Variants in INPP4B observed in about 807,000 individuals in gnomAD.
INPP4B encodes inositol polyphosphate-4-phosphatase type II B.
In INPP4B, 55 loss-of-function variants were observed where a neutral mutation model predicts 122.5. The ratio of observed to expected loss-of-function variants is 0.45; its 90% confidence interval spans 0.36 to 0.56. The LOEUF (loss-of-function observed/expected upper bound fraction) is 0.56. Among genes scored for constraint, INPP4B ranks in the 20% least tolerant of loss-of-function variants. The pLI, the probability that INPP4B is intolerant of heterozygous loss-of-function variation, is 0.00. For missense variants in INPP4B, 1,000 were observed against 1,097.7 expected (o/e 0.91, Z 1.26); for synonymous variants, 403 against 388.7 (o/e 1.04, Z -0.43).
At chr4:142,366,637 G>C (rs952749277) in intron 7 of INPP4B, among the ~76,000 whole-genome samples, 1 of 152,132 alleles carries the variant, frequency 6.6e-6, no homozygotes, top group Non-Finnish European at 1.5e-5. Context: ...GGAGGATTCA[G>C]TGTGAATTTG....
rs929829549 is a variant in INPP4B, at chr4:142,075,666, G to A, written c.2642+6365C>T. Among the ~76,000 whole-genome samples the A allele has an allele frequency of 2.0e-5, 3 of 152,112 alleles. No homozygotes were observed. The East Asian group carries it at 5.8e-4, about 30-fold the overall frequency. On this transcript the variant is annotated intron_variant, in intron 25 of 25. Coordinates refer to ENST00000262992, the MANE Select transcript of INPP4B (RefSeq NM_001101669.3). ...AACAAGCAGGGTAGATAGAGATGGG[G>A]AGAGTGTAGAGAGCAAGGGTAACAT...
chr4:142,667,053 G>A (rs1756210223), intron 2 of INPP4B, among the ~76,000 whole-genome samples: 2 of 152,100 alleles, frequency 1.3e-5, no homozygotes, highest in African/African-American at 2.4e-5. Context: ...ACTGTGGTCT[G>A]GCATTTGAAA....
chr4:142,646,860 A>T (rs1489688835), intron 2 of INPP4B, among the ~76,000 whole-genome samples: 1 of 152,172 alleles, frequency 6.6e-6, no homozygotes, highest in Non-Finnish European at 1.5e-5. Context: ...ACCATACAAA[A>T]CTAAGCAAAC....
chr4:142,273,383 G>A (rs982976688), intron 9 of INPP4B, among the ~76,000 whole-genome samples: 7 of 151,822 alleles, frequency 4.6e-5, no homozygotes, highest in Non-Finnish European at 7.4e-5. Context: ...AGGCTATAAG[G>A]TCTCATGGCA....
chr4:142,112,377 A>T (rs779124693), intron 22 of INPP4B, among the ~76,000 whole-genome samples, 165 bp downstream of exon 22: 1 of 152,212 alleles, frequency 6.6e-6, no homozygotes, highest in Non-Finnish European at 1.5e-5. Flanking sequence ...GGATTCCTTA[A>T]ATATGAAAAT....
In INPP4B at chr4:142,534,439, T is replaced by C. The variant is rs1176908275; in HGVS notation, c.-190-71713A>G. On this transcript the variant is annotated intron_variant, in intron 2 of 25. Transcript: ENST00000262992. Reference sequence around the variant, plus strand: ...GGTTGGAAGGAGCATTCTCTTACTTTCCACCTTCTGCCATGTAAGGACACA... The same window carrying C: ...GGTTGGAAGGAGCATTCTCTTACTTCCCACCTTCTGCCATGTAAGGACACA... 2.0e-5 allele frequency among the ~76,000 whole-genome samples: 3 copies of C among 152,212 alleles called. No individual in the cohort carries two copies. In the East Asian group the frequency reaches 5.8e-4, roughly 29 times the overall value.
At chr4:142,720,997 G>A (rs1251904929) in intron 2 of INPP4B, among the ~76,000 whole-genome samples, 1 of 149,246 alleles carries the variant, frequency 6.7e-6, no homozygotes, top group Non-Finnish European at 1.5e-5. Flanking sequence ...GTTCAAGCGT[G>A]TACTTGCAAA....
intron 11 of INPP4B, among the ~76,000 whole-genome samples, chr4:142,244,175 C>T (rs1012747521): frequency 6.6e-6 from 1 of 151,502 alleles, no homozygotes; most frequent in Admixed American, 6.6e-5. Flanking sequence ...GGTTTTCCGT[C>T]CCTGTGTTAG....
intron 3 of INPP4B, among the ~76,000 whole-genome samples, chr4:142,449,818 G>A (rs1813758019): frequency 6.6e-6 from 1 of 152,112 alleles, no homozygotes; most frequent in Admixed American, 6.6e-5. Flanking sequence ...AATCAAAAGA[G>A]ATGAATAGGG....
intron 3 of INPP4B, among the ~76,000 whole-genome samples, chr4:142,435,887 G>A (rs923445): frequency 0.52 from 79,260 of 151,888 alleles, 21,525 homozygotes; most frequent in East Asian, 0.7. Context: ...AAGTCAGCCA[G>A]GTTTCTGGGG....
Position 142,241,232 on chromosome 4 carries a change from T to A in INPP4B, c.689-3221A>T, listed in dbSNP as rs1859234436. 2.7e-5 allele frequency among the ~76,000 whole-genome samples: 3 copies of A among 112,560 alleles called. No homozygotes were observed. The South Asian group carries it at 7.3e-4, about 27-fold the overall frequency. The allele number at this position is 112,560 out of a possible 152,430, so 73.8% of individuals were successfully genotyped here. A position where few individuals can be genotyped will look rare whatever the true frequency, so the allele number is the denominator to read the frequency against. On this transcript the variant is annotated intron_variant, in intron 11 of 25. Coordinates refer to ENST00000262992, the MANE Select transcript of INPP4B (RefSeq NM_001101669.3). ...GCCCTGTGTGTATTCTCATCTTCAT[T>A]TTTTTTTTACTGCTTTTGCCATACA...
intron 11 of INPP4B, among the ~76,000 whole-genome samples, chr4:142,247,323 A>AG (rs1402657185): frequency 2.6e-5 from 4 of 152,084 alleles, no homozygotes; most frequent in African/African-American, 7.2e-5. Flanking sequence ...TGAGTTAGGG[A>AG]GGAGTCCTCT....
rs550875039 is a variant in INPP4B at position 142,779,540 on chromosome 4, CTAT to C, written c.-253-53642_-253-53640del. Among the ~76,000 whole-genome samples, 90 of 152,094 alleles carry C rather than the reference CTAT, an allele frequency of 5.9e-4. No homozygotes were observed. In the East Asian group the frequency reaches 0.016, roughly 27 times the overall value. On this transcript the variant is annotated intron_variant, in intron 1 of 25. Transcript: ENST00000262992. ...CTTTCTACAAATCCATGACTCGCAG[CTAT>C]TATTATTTATTATTTTGTACCAACA...
intron 23 of INPP4B, among the ~76,000 whole-genome samples, chr4:142,099,678 T>G (rs2152631583): frequency 6.6e-6 from 1 of 152,290 alleles, no homozygotes; most frequent in East Asian, 1.9e-4. Context: ...TTTAGGAAAT[T>G]TAGACACACT....
rs1012391068 is a variant in INPP4B, at chr4:142,621,549, G to A, written c.-191+104290C>T. On this transcript the variant is annotated intron_variant, in intron 2 of 25. Transcript: ENST00000262992. The stretch of plus-strand genomic sequence containing the variant: ...GATAAATTCAGACCATAGCAGAGTG[G>A]AAAGGACATGATTGTAAGAGTTACT... Among the ~76,000 whole-genome samples, 3 of 151,942 alleles carry A rather than the reference G, an allele frequency of 2.0e-5. No homozygotes were observed. The East Asian group carries it at 5.8e-4, about 30-fold the overall frequency.
chr4:142,062,633 G>A (rs1761588221), intron 25 of INPP4B, among the ~76,000 whole-genome samples: 2 of 152,078 alleles, frequency 1.3e-5, no homozygotes, highest in South Asian at 4.2e-4. Context: ...CTACTTGGGG[G>A]GCTGAGGCAG....
At chr4:142,639,420 G>C (rs539211249) in intron 2 of INPP4B, among the ~76,000 whole-genome samples, 1 of 152,040 alleles carries the variant, frequency 6.6e-6, no homozygotes, top group African/African-American at 2.4e-5. Context: ...GATTAAATAG[G>C]TTTATTCAGA....
intron 15 of INPP4B, among the ~76,000 whole-genome samples, chr4:142,189,578 T>C (rs958411252): frequency 6.6e-6 from 1 of 152,082 alleles, no homozygotes; most frequent in African/African-American, 2.4e-5. Flanking sequence ...ATTATAAGGG[T>C]GAAATCTTCA....
chr4:142,120,954 C>T (rs1451567552), intron 21 of INPP4B, among the ~76,000 whole-genome samples: 1 of 152,076 alleles, frequency 6.6e-6, no homozygotes, highest in African/African-American at 2.4e-5. Context: ...AGCCATGCCC[C>T]TACCTGCATG....
Sources: gnomAD v4.1 joint callset for allele counts (sites outside exome capture counted in the v4.1 genomes callset) on GRCh38, gnomAD v4.1.1 for gene constraint, MANE v1.5 for transcripts, NCBI Gene and HGNC (gene_info 2026-07-23, HGNC 2026-07-21) for gene names.